Variants in ABHD18 observed in about 807,000 individuals in gnomAD.
ABHD18 encodes abhydrolase domain containing 18, also known as cardiolipin-specific deacylase, mitochondrial.
Under a neutral mutation model 65.9 loss-of-function variants are expected in ABHD18, and 55 were observed. The ratio of observed to expected loss-of-function variants is 0.84; its 90% CI spans 0.67 to 1.05. ABHD18 has a LOEUF of 1.05. Ranked by LOEUF, ABHD18 falls within the 50% of genes least tolerant of loss-of-function variation. The probability of loss-of-function intolerance (pLI) is 0.00; values close to 1 mark genes in which losing one functional copy is unlikely to be tolerated. For missense variants in ABHD18, 533 were observed against 558.5 expected (o/e 0.95, Z 0.46); for synonymous variants, 181 against 180.2 (o/e 1.00, Z -0.04).
rs1456327345 is a variant in ABHD18, at chr4:127,983,034, G to C, written c.79G>C (p.Glu27Gln). The change falls in exon 2 of 13, where the codon GAA (glutamate) becomes CAA (glutamine). Residue 27 changes from glutamate to glutamine, a missense_variant. Around this residue, in one of 3 missense-constraint regions of ABHD18, gnomAD observed 309 missense variants for 313.5 expected, o/e 0.99. Coordinates refer to ENST00000645843, the MANE Select transcript of ABHD18 (RefSeq NM_001358451.3). ...TTTTATCAGAGGATGGGGAAGGCCA[G>C]AAGATCTCAAAAGGCAAGCAATTTT... ...KLFIRGWGRP[E>Q]DLKRLFEFRK... The C allele has an allele frequency of 6.4e-7, 1 of 1,556,532 alleles. No individual in the cohort carries two copies. Among genetic ancestry groups the C allele is most frequent in the South Asian group, 1.2e-5 (1 of 84,026 alleles).
chr4:127,969,524 T>G (rs1746321227), intron 1 of ABHD18, among the ~76,000 whole-genome samples: 1 of 152,160 alleles, frequency 6.6e-6, no homozygotes, highest in Admixed American at 6.5e-5. Context: ...AAACTAGAAA[T>G]AAGTAAATAA....
chr4:127,987,473 G>A (rs1750168710), intron 3 of ABHD18, among the ~76,000 whole-genome samples: 1 of 152,060 alleles, frequency 6.6e-6, no homozygotes. Flanking sequence ...ACTTTGGGAG[G>A]CTGAGGAGCA....
chr4:128,009,217 TC>T (rs762532897), intron 6 of ABHD18, 26 bp downstream of exon 6: 1 of 1,337,398 alleles, frequency 7.5e-7, no homozygotes, highest in Non-Finnish European at 9.8e-7. Context: ...ATCTAAGAAA[TC>T]TTTTGCCTTG....
At position 127,985,585 on chromosome 4, in the gene ABHD18, C is replaced by CA. The variant is rs1749801414; in HGVS notation, c.177+1169dup. 2.0e-5 allele frequency among the ~76,000 whole-genome samples: 3 copies of CA among 150,662 alleles called. No homozygotes were observed. The South Asian group carries it at 6.3e-4, about 32-fold the overall frequency. ...CTATTAAAAAATTATAAACTTAAAA[C>CA]AAAAAAATTTAAAACATACCAAGTT... On this transcript the variant is annotated intron_variant, in intron 3 of 12. Transcript: ENST00000645843.
chr4:127,967,600 C>T lies in ABHD18; in HGVS notation c.-18+1994C>T, dbSNP rs188501013. 3.7e-3 allele frequency among the ~76,000 whole-genome samples: 558 copies of T among 151,978 alleles called. 3 individuals are homozygous for T. Among genetic ancestry groups the T allele is most frequent in the African/African-American group, 0.013 (536 of 41,448 alleles). Reference sequence around the variant, plus strand: ...GGAATCCCAGCCCTCTGACACTGCTCTTTTCCATTGGTGCCTCCAAGTGAT... The same window carrying T: ...GGAATCCCAGCCCTCTGACACTGCTTTTTTCCATTGGTGCCTCCAAGTGAT... On this transcript the variant is annotated intron_variant, in intron 1 of 12. Coordinates refer to ENST00000645843, the MANE Select transcript of ABHD18 (RefSeq NM_001358451.3).
intron 11 of ABHD18, 53 bp from the exon 12 acceptor site, chr4:128,030,457 T>C (rs1197301294): frequency 1.6e-6 from 2 of 1,274,768 alleles, no homozygotes; most frequent in African/African-American, 3.1e-5. Flanking sequence ...ATTGTGTGGG[T>C]TTTTTTATTT....
intron 1 of ABHD18, chr4:127,966,103 G>A (rs1745272114): frequency 6.6e-6 from 1 of 152,230 alleles, no homozygotes; most frequent in Admixed American, 6.5e-5. Flanking sequence ...TCACAAGGAA[G>A]ATGACATTTT....
At chr4:128,007,036 T>G (rs1466731213) in intron 4 of ABHD18, among the ~76,000 whole-genome samples, 1 of 152,126 alleles carries the variant, frequency 6.6e-6, no homozygotes, top group African/African-American at 2.4e-5. Context: ...TCCCAGCTAC[T>G]TGGGAGGCTG....
chr4:127,998,816 T>G (rs943877613), intron 4 of ABHD18, among the ~76,000 whole-genome samples: 7 of 152,182 alleles, frequency 4.6e-5, no homozygotes, highest in African/African-American at 1.7e-4. Flanking sequence ...TGTTACATTT[T>G]AAATTATATG....
chr4:128,030,456 G>T, intron 11 of ABHD18, 54 bp from the exon 12 acceptor site: 1 of 1,270,712 alleles, frequency 7.9e-7, no homozygotes, highest in South Asian at 2.4e-5. Context: ...CATTGTGTGG[G>T]TTTTTTTATT....
chr4:128,027,417 T>C (rs1367183862), intron 10 of ABHD18, among the ~76,000 whole-genome samples: 1 of 152,070 alleles, frequency 6.6e-6, no homozygotes, highest in East Asian at 1.9e-4. Flanking sequence ...TTTTTCTTTT[T>C]TTTTTTGAGA....
rs758207817 is a variant in ABHD18, at chr4:128,030,538, G to A, written c.1209G>A (p.Val403=). The A allele has an allele frequency of 9.4e-6, 15 of 1,591,430 alleles. No homozygotes were observed. The East Asian group carries it at 1.1e-4, about 12-fold the overall frequency. Residue 403 remains valine, a synonymous_variant, in exon 12 of 13, where the codon GTG becomes GTA. Transcript: ENST00000645843. ...CAGTTGATCCAAGCCTCATTATAGTGGTTCAAGCCAAAGAAGATGCCTATA... is the reference window on the plus strand; with the variant it reads ...CAGTTGATCCAAGCCTCATTATAGTAGTTCAAGCCAAAGAAGATGCCTATA... ...SVPVDPSLII[V]VQAKEDAYIP...
intron 3 of ABHD18, among the ~76,000 whole-genome samples, chr4:127,986,235 C>T (rs1264759209): frequency 6.6e-6 from 1 of 152,168 alleles, no homozygotes; most frequent in African/African-American, 2.4e-5. Flanking sequence ...ATGGATTCAC[C>T]TAATGTGGAC....
At chr4:128,016,641 G>A (rs944070808) in intron 7 of ABHD18, among the ~76,000 whole-genome samples, 3 of 152,210 alleles carry the variant, frequency 2.0e-5, no homozygotes, top group East Asian at 2.0e-4. Context: ...CAGGCGTGGT[G>A]GCTCACGCCT....
At chr4:128,011,841 G>C (rs2149139841) in intron 7 of ABHD18, 141 bp downstream of exon 7, 1 of 490,004 alleles carries the variant, frequency 2.0e-6, no homozygotes, top group East Asian at 3.4e-5. Flanking sequence ...TGAAACTGTA[G>C]TATGAATACT....
chr4:127,982,697 A>G (rs567032332), intron 1 of ABHD18, among the ~76,000 whole-genome samples: 1 of 152,288 alleles, frequency 6.6e-6, no homozygotes, highest in African/African-American at 2.4e-5. Flanking sequence ...CAGCAACTGT[A>G]CTGAGGATGG....
chr4:128,032,121 A>G (rs1758301077), intron 12 of ABHD18, among the ~76,000 whole-genome samples: 1 of 152,216 alleles, frequency 6.6e-6, no homozygotes. Flanking sequence ...AAATATAAAA[A>G]CACAAAAGTG....
rs943024084 is a variant in ABHD18 at position 127,979,533 on chromosome 4, C to T, written c.-17-3406C>T. ...TTGCGCCACTGCACTCTAGCGTGGGCGACAATGCGAGACTCTGTCTCAAAA... is the reference window on the plus strand; with the variant it reads ...TTGCGCCACTGCACTCTAGCGTGGGTGACAATGCGAGACTCTGTCTCAAAA... On this transcript the variant is annotated intron_variant, in intron 1 of 12. Coordinates refer to ENST00000645843, the MANE Select transcript of ABHD18 (RefSeq NM_001358451.3). Among the ~76,000 whole-genome samples the T allele has an allele frequency of 4.6e-5, 7 of 152,078 alleles. No individual in the cohort carries two copies. The South Asian group carries it at 8.3e-4, about 18-fold the overall frequency.
chr4:128,011,392 C>T (rs2149138296), intron 6 of ABHD18, among the ~76,000 whole-genome samples: 1 of 152,034 alleles, frequency 6.6e-6, no homozygotes, highest in South Asian at 2.1e-4. Flanking sequence ...TCGTGATCCG[C>T]CCGCCTTGGC....
Sources: allele counts gnomAD v4.1 joint callset (sites outside exome capture counted in the v4.1 genomes callset), GRCh38; gene constraint gnomAD v4.1.1; regional missense constraint gnomAD v4.1.1; transcripts MANE v1.5; gene names NCBI Gene and HGNC (gene_info 2026-07-23, HGNC 2026-07-21).